The following FOXK1 variants were observed in gnomAD, a reference collection of about 807,000 sequenced individuals.
The protein encoded by FOXK1 is forkhead box protein K1.
A neutral mutation model predicts 51.9 loss-of-function variants in FOXK1; 19 were observed. The ratio of observed to expected loss-of-function variants is 0.37; its 90% CI spans 0.26 to 0.54. FOXK1 has a LOEUF of 0.54. Among genes scored for constraint, FOXK1 ranks in the 20% least tolerant of loss-of-function variants. FOXK1 has a pLI of 0.87. For synonymous variants in FOXK1, 537 were observed against 482.6 expected, an observed-to-expected ratio of 1.11 and a Z score of -1.48; for missense variants, 870 against 1,032.7, an observed-to-expected ratio of 0.84 and a Z score of 2.16.
Position 4,723,098 on chromosome 7 carries a change from A to G in FOXK1, c.561-17740A>G, listed in dbSNP as rs560432680. Among the ~76,000 whole-genome samples the G allele has an allele frequency of 6.6e-5, 10 of 152,004 alleles. No homozygotes were observed. In the South Asian group the frequency reaches 1.7e-3, roughly 25 times the overall value. ...CGTCTTCCCAAGCCTGTTGACGATG[A>G]TGGTAACGGCACCGTGCTCACTCCA... On this transcript the variant is annotated intron_variant, in intron 1 of 8. Transcript: ENST00000328914. The surrounding 1 kb of genome is among the most constrained non-coding windows in gnomAD (Gnocchi z 4.7).
At chr7:4,725,078 C>G (rs1346219678) in intron 1 of FOXK1, among the ~76,000 whole-genome samples, 1 of 152,260 alleles carries the variant, frequency 6.6e-6, no homozygotes, top group South Asian at 2.1e-4. Flanking sequence ...CGCGGTGCAC[C>G]CGCCACCCAC....
rs962239432 is a variant in FOXK1 at position 4,762,635 on chromosome 7, G to A, written c.*171G>A. ...TTTCCATTTGATCGCCTGCCTTCCCGTGGTTTAAGACAAAAACACATAAAC... is the reference window on the plus strand; with the variant it reads ...TTTCCATTTGATCGCCTGCCTTCCCATGGTTTAAGACAAAAACACATAAAC... On this transcript the variant is annotated 3_prime_UTR_variant, in exon 9 of 9. Transcript: ENST00000328914. This position sits in a 1 kb window ranked among gnomAD's most constrained non-coding sequence, Gnocchi z 5.7. The A allele has an allele frequency of 1.3e-5, 8 of 628,904 alleles. No individual in the cohort carries two copies. Among genetic ancestry groups the A allele is most frequent in the Admixed American group, 5.9e-5 (2 of 33,744 alleles). The allele number at this position is 628,904 out of a possible 1,614,324, so 39.0% of individuals were successfully genotyped here. A position where few individuals can be genotyped will look rare whatever the true frequency, so the allele number is the denominator to read the frequency against.
At chr7:4,750,683 C>T (rs1780763845) in intron 2 of FOXK1, among the ~76,000 whole-genome samples, 1 of 151,318 alleles carries the variant, frequency 6.6e-6, no homozygotes, top group African/African-American at 2.5e-5. Flanking sequence ...CTCCTAACCT[C>T]GTCATCCACC....
At chr7:4,738,147 G>C (rs1427085790) in intron 1 of FOXK1, among the ~76,000 whole-genome samples, 5 of 148,874 alleles carry the variant, frequency 3.4e-5, no homozygotes, top group Non-Finnish European at 4.5e-5. Flanking sequence ...AAAAAAAAAG[G>C]GTGATGTGGC....
rs1315283211 is a variant in FOXK1, at chr7:4,751,341, G to A, written c.747-3118G>A. Reference sequence around the variant, plus strand: ...ATTACAAGCGTGAGCCACCGTGCCCGGCCCAGCATTTTCTTTAGATTGCTA... The same window carrying A: ...ATTACAAGCGTGAGCCACCGTGCCCAGCCCAGCATTTTCTTTAGATTGCTA... On this transcript the variant is annotated intron_variant, in intron 2 of 8. Transcript: ENST00000328914. Among the ~76,000 whole-genome samples, 7 of 152,134 alleles carry A rather than the reference G, an allele frequency of 4.6e-5. No homozygotes were observed. The East Asian group carries it at 5.8e-4, about 13-fold the overall frequency.
At chr7:4,687,325 C>G (rs187600320) in intron 1 of FOXK1, among the ~76,000 whole-genome samples, 33 of 151,926 alleles carry the variant, frequency 2.2e-4, no homozygotes, top group African/African-American at 7.7e-4. Flanking sequence ...CGGAGTCTCA[C>G]TCTGTTGCCC....
intron 1 of FOXK1, among the ~76,000 whole-genome samples, chr7:4,716,558 A>T (rs977466233): frequency 1.3e-5 from 2 of 152,212 alleles, no homozygotes; most frequent in African/African-American, 4.8e-5. Flanking sequence ...CACCTCCAAA[A>T]AGCCAGTACA....
At chr7:4,739,949 G>T (rs1780610379) in intron 1 of FOXK1, among the ~76,000 whole-genome samples, 1 of 152,200 alleles carries the variant, frequency 6.6e-6, no homozygotes, top group Non-Finnish European at 1.5e-5. Context: ...GATGGCATCA[G>T]CGGCACTTGT....
chr7:4,743,028 C>A lies in FOXK1; in HGVS notation c.746+2005C>A, dbSNP rs1412613452. On this transcript the variant is annotated intron_variant, in intron 2 of 8. Transcript: ENST00000328914. This position sits in a 1 kb window ranked among gnomAD's most constrained non-coding sequence, Gnocchi z 5.3. ...GACTCTGTGCGGTCACTTCAGCCCC[C>A]CACCTTCCCGGGCCCGGTTCCCGTC... Among the ~76,000 whole-genome samples, 1 of 152,178 alleles carries A rather than the reference C, an allele frequency of 6.6e-6. No individual in the cohort carries two copies. The highest frequency in any genetic ancestry group is 1.5e-5 in the Non-Finnish European group (1 of 68,036).
chr7:4,688,112 G>A (rs746472356), intron 1 of FOXK1, among the ~76,000 whole-genome samples: 1 of 151,908 alleles, frequency 6.6e-6, no homozygotes, highest in Admixed American at 6.6e-5. Context: ...GGCTGTGGCC[G>A]GCTTCAGCAG....
chr7:4,714,108 C>T (rs1780206827), intron 1 of FOXK1, among the ~76,000 whole-genome samples: 1 of 152,042 alleles, frequency 6.6e-6, no homozygotes, highest in Non-Finnish European at 1.5e-5. Context: ...TTACAGATGT[C>T]AGCCACTGTG....
chr7:4,717,093 C>T (rs965315647), intron 1 of FOXK1, among the ~76,000 whole-genome samples: 2 of 126,282 alleles, frequency 1.6e-5, no homozygotes, highest in African/African-American at 6.2e-5. Flanking sequence ...TGGCGGGAGG[C>T]ACGTGGTTGA....
rs539133665 is a variant in FOXK1, at chr7:4,730,547, C to T, written c.561-10291C>T. The stretch of plus-strand genomic sequence containing the variant: ...GGGGAGGGGATGGACGTTTGTGTTG[C>T]TGTCAGGGACCTTGCCGACCCAGCC... On this transcript the variant is annotated intron_variant, in intron 1 of 8. Coordinates refer to ENST00000328914, the MANE Select transcript of FOXK1 (RefSeq NM_001037165.2). This position sits in a 1 kb window ranked among gnomAD's most constrained non-coding sequence, Gnocchi z 4.7. Among the ~76,000 whole-genome samples the T allele has an allele frequency of 5.3e-5, 8 of 152,328 alleles. No homozygotes were observed. Among genetic ancestry groups the T allele is most frequent in the Non-Finnish European group, 1.2e-4 (8 of 68,028 alleles).
intron 1 of FOXK1, among the ~76,000 whole-genome samples, chr7:4,687,533 T>C (rs2115027499): frequency 6.6e-6 from 1 of 152,148 alleles, no homozygotes; most frequent in African/African-American, 2.4e-5. Context: ...CCTCAGGTGA[T>C]CCACCCGCCT....
At chr7:4,732,454 G>A (rs1479105008) in intron 1 of FOXK1, among the ~76,000 whole-genome samples, 1 of 152,128 alleles carries the variant, frequency 6.6e-6, no homozygotes, top group East Asian at 1.9e-4. Context: ...CACCACACCT[G>A]GCTAATTTCT....
At chr7:4,685,675 CCTCACGCCTGTAATCTCAGCA>C (rs2115026358) in intron 1 of FOXK1, among the ~76,000 whole-genome samples, 1 of 151,980 alleles carries the variant, frequency 6.6e-6, no homozygotes, top group African/African-American at 2.4e-5. Flanking sequence ...TGGACTACAG[CCTCACGCCTGTAATCTCAGCA>C]CTTTGGGAGG....
At chr7:4,704,093 T>C (rs1780052521) in intron 1 of FOXK1, among the ~76,000 whole-genome samples, 1 of 152,228 alleles carries the variant, frequency 6.6e-6, no homozygotes, top group Admixed American at 6.5e-5. Context: ...CGAAAGGGTC[T>C]ACCAAGGGTA....
intron 2 of FOXK1, among the ~76,000 whole-genome samples, chr7:4,742,624 C>G: frequency 6.6e-6 from 1 of 152,060 alleles, no homozygotes; most frequent in East Asian, 1.9e-4. Flanking sequence ...GCTATGTTGC[C>G]CAGGCTGGTC....
rs1438813348 is a variant in FOXK1 at position 4,764,199 on chromosome 7, A to G, written c.*1735A>G. 6.5e-6 allele frequency: 1 copy of G among 153,944 alleles called. No homozygotes were observed. The highest frequency in any genetic ancestry group is 2.4e-5 in the African/African-American group (1 of 41,500). 9.5% of individuals were successfully genotyped at this position (153,944 alleles called of 1,614,324 possible). ...TGGGGTCGCCCGTGGCCCCCATCAG[A>G]GTCCCCGTCCCCCAGGACAAGTGCA... On this transcript the variant is annotated 3_prime_UTR_variant, in exon 9 of 9. Transcript: ENST00000328914.
Sources: allele counts gnomAD v4.1 joint callset (sites outside exome capture counted in the v4.1 genomes callset), GRCh38; gene constraint gnomAD v4.1.1; non-coding constraint Gnocchi (gnomAD v3.1); transcripts MANE v1.5; gene names NCBI Gene and HGNC (gene_info 2026-07-23, HGNC 2026-07-21).